The following MECR variants were observed in gnomAD, a reference collection of about 807,000 sequenced individuals.
MECR encodes the protein mitochondrial trans-2-enoyl-CoA reductase.
Under a neutral mutation model 49.1 loss-of-function variants are expected in MECR, and 37 were observed. The observed-to-expected ratio is 0.75, with a 90% CI of 0.58 to 0.99. The LOEUF (loss-of-function observed/expected upper bound fraction) is 0.99, where lower values mean the gene tolerates loss of function less well. Ranked by LOEUF, MECR falls within the 50% of genes least tolerant of loss-of-function variation. The pLI, the probability that MECR is intolerant of heterozygous loss-of-function variation, is 0.00. For missense variants in MECR, 470 were observed against 479.6 expected, an observed-to-expected ratio of 0.98 and a Z score of 0.19; for synonymous variants, 198 against 191.1, an observed-to-expected ratio of 1.04 and a Z score of -0.30.
chr1:29,230,502 T>A, intron 1 of MECR: 2 of 537,118 alleles, frequency 3.7e-6, no homozygotes, highest in Non-Finnish European at 6.5e-6. Flanking sequence ...TGACACAATA[T>A]TCGATCAATA....
chr1:29,195,154 A>G (rs920615215), intron 9 of MECR, among the ~76,000 whole-genome samples: 1 of 152,106 alleles, frequency 6.6e-6, no homozygotes, highest in African/African-American at 2.4e-5. Flanking sequence ...AAAACCCATG[A>G]GTCTGAATGC....
chr1:29,230,695 C>T, intron 1 of MECR, 36 bp downstream of exon 1: 1 of 1,551,786 alleles, frequency 6.4e-7, no homozygotes. Context: ...TCCAGAAACC[C>T]CAGTCCCCTT....
At chr1:29,174,583 T>C in the MECR span, among the ~76,000 whole-genome samples, 1 of 150,584 alleles carries the variant, frequency 6.6e-6, no homozygotes, top group African/African-American at 2.4e-5. Flanking sequence ...AACAAGCAAA[T>C]TATAAAATAA....
intron 1 of MECR, among the ~76,000 whole-genome samples, chr1:29,228,113 C>T (rs1682561227): frequency 6.6e-6 from 1 of 152,128 alleles, no homozygotes; most frequent in African/African-American, 2.4e-5. Context: ...TGGTGGTACA[C>T]ACCTGCAATC....
chr1:29,221,670 G>A (rs1680804626), intron 1 of MECR, among the ~76,000 whole-genome samples: 1 of 152,210 alleles, frequency 6.6e-6, no homozygotes, highest in Non-Finnish European at 1.5e-5. Flanking sequence ...AGCTAGGGAG[G>A]AAGGAAGAGT....
the MECR span, chr1:29,169,002 G>A: frequency 6.6e-6 from 1 of 152,194 alleles, no homozygotes; most frequent in Non-Finnish European, 1.5e-5. Flanking sequence ...TCTAAGATGT[G>A]ATTTAATTTT....
At chr1:29,186,212 T>G in the MECR span, among the ~76,000 whole-genome samples, 1 of 152,228 alleles carries the variant, frequency 6.6e-6, no homozygotes, top group Non-Finnish European at 1.5e-5. Context: ...CTTCTGATTA[T>G]TCCTTCTAAA....
chr1:29,207,902 G>C (rs529472100), intron 3 of MECR, among the ~76,000 whole-genome samples: 1 of 152,264 alleles, frequency 6.6e-6, no homozygotes, highest in Admixed American at 6.5e-5. Flanking sequence ...GGGTAAGACA[G>C]TAGTAACATT....
rs560127618 is a variant in MECR at position 29,211,936 on chromosome 1, T to C, written c.406+4069A>G. ...AGCTGTGGCCAACTAAGAACTTACC[T>C]GTTTAATAGTTGCCACTCTTACTAA... On this transcript the variant is annotated intron_variant, in intron 3 of 9. Transcript: ENST00000263702. Among the ~76,000 whole-genome samples the C allele has an allele frequency of 2.9e-4, 44 of 152,332 alleles. 1 individual carries two copies. The South Asian group carries it at 3.9e-3, about 14-fold the overall frequency.
At chr1:29,210,723 A>G (rs1677794429) in intron 3 of MECR, among the ~76,000 whole-genome samples, 1 of 152,118 alleles carries the variant, frequency 6.6e-6, no homozygotes. Context: ...TTGAAGTTGG[A>G]GAGACCTGCT....
At chr1:29,216,722 C>T in intron 1 of MECR, 37 bp from the exon 2 acceptor site, 1 of 1,613,984 alleles carries the variant, frequency 6.2e-7, no homozygotes. Context: ...TCATGTCATC[C>T]AGGCTAGAAT....
At chr1:29,205,427 G>T (rs1676336414) in intron 4 of MECR, among the ~76,000 whole-genome samples, 1 of 151,430 alleles carries the variant, frequency 6.6e-6, no homozygotes, top group Non-Finnish European at 1.5e-5. Context: ...CAAGTGATCT[G>T]CCAGCTTCAG....
chr1:29,193,904 G>T lies in MECR; in HGVS notation c.*118C>A, dbSNP rs1673330059. ...GGCTGGCTTCACCATCCTCCTAATA[G>T]GAAGAGGCAGTGAGGAGAACAGTAG... is the stretch of plus-strand genomic sequence containing the variant. On this transcript the variant is annotated 3_prime_UTR_variant, in exon 10 of 10. Coordinates refer to ENST00000263702, the MANE Select transcript of MECR (RefSeq NM_016011.5). 7.9e-7 allele frequency: 1 copy of T among 1,258,284 alleles called. No homozygotes were observed. Among genetic ancestry groups the T allele is most frequent in the East Asian group, 2.3e-5 (1 of 43,100 alleles). 77.9% of individuals were successfully genotyped at this position (1,258,284 alleles called of 1,614,324 possible).
intron 4 of MECR, 116 bp downstream of exon 4, chr1:29,206,646 G>T: frequency 8.4e-7 from 1 of 1,194,946 alleles, no homozygotes; most frequent in Non-Finnish European, 1.2e-6. Flanking sequence ...CAGGTGAGAG[G>T]TCCATCACCC....
At chr1:29,195,836 G>A in intron 9 of MECR, 105 bp downstream of exon 9, 1 of 1,109,156 alleles carries the variant, frequency 9.0e-7, no homozygotes, top group Admixed American at 1.7e-5. Context: ...CTGTGGGGCT[G>A]GGGACCCAAT....
rs1574561310 is a variant in MECR, at chr1:29,230,632, C to G, written c.176+99G>C. 10 of 1,439,496 alleles carry G rather than the reference C, an allele frequency of 6.9e-6. No individual in the cohort carries two copies. The East Asian group carries it at 1.0e-4, about 14-fold the overall frequency. The allele number at this position is 1,439,496 out of a possible 1,614,324, so 89.2% of individuals were successfully genotyped here. A position where few individuals can be genotyped will look rare whatever the true frequency, so the allele number is the denominator to read the frequency against. On this transcript the variant is annotated intron_variant, in intron 1 of 9. Transcript: ENST00000263702. ...GGCTTCGGTTTGCTATTCTCTGCCC[C>G]CTTCCTCGGACCCTGTCCCTCTCTT...
intron 3 of MECR, among the ~76,000 whole-genome samples, chr1:29,208,397 A>G (rs559683653): frequency 3.3e-5 from 5 of 152,326 alleles, no homozygotes; most frequent in African/African-American, 1.2e-4. Flanking sequence ...CCTGTCACTG[A>G]GTTTTAGTTA....
intron 3 of MECR, 87 bp from the exon 4 acceptor site, chr1:29,206,992 C>A (rs1296985136): frequency 1.4e-6 from 2 of 1,480,716 alleles, no homozygotes; most frequent in African/African-American, 2.8e-5. Flanking sequence ...AAGAAGCATC[C>A]AGGATAGTGG....
chr1:29,210,215 T>C (rs1677639789), intron 3 of MECR, among the ~76,000 whole-genome samples: 1 of 152,150 alleles, frequency 6.6e-6, no homozygotes, highest in Admixed American at 6.6e-5. Flanking sequence ...GGTTTCACTG[T>C]GTTAGCCAGG....
Sources: gnomAD v4.1 joint callset for allele counts (sites outside exome capture counted in the v4.1 genomes callset) on GRCh38, gnomAD v4.1.1 for gene constraint, MANE v1.5 for transcripts, NCBI Gene and HGNC (gene_info 2026-07-23, HGNC 2026-07-21) for gene names.